Variants in PARD3 observed in about 807,000 individuals in gnomAD.
PARD3 encodes par-3 family cell polarity regulator.
PARD3 carries 75 observed loss-of-function variants against 155.4 expected under a neutral mutation model. That is an observed-to-expected ratio of 0.48 (90% CI 0.40 to 0.58). The LOEUF is 0.58. PARD3 is among the 20% of genes least tolerant of loss of function. PARD3 has a pLI of 0.00. For synonymous variants in PARD3, 576 were observed against 610.5 expected (o/e 0.94, Z 0.83); for missense variants, 1,642 against 1,721.7 (o/e 0.95, Z 0.82).
chr10:34,339,168 T>C (rs759952945), intron 16 of PARD3, among the ~76,000 whole-genome samples: 5 of 152,222 alleles, frequency 3.3e-5, no homozygotes, highest in African/African-American at 4.8e-5. Flanking sequence ...ATATTGTCAG[T>C]GGATCTCTTC....
At chr10:34,510,898 T>C (rs574612875) in intron 3 of PARD3, among the ~76,000 whole-genome samples, 19 of 152,346 alleles carry the variant, frequency 1.2e-4, no homozygotes, top group Non-Finnish European at 2.5e-4. Flanking sequence ...ATAACCTTAT[T>C]GCATCTAAAT....
intron 9 of PARD3, among the ~76,000 whole-genome samples, chr10:34,381,027 A>G (rs1841769372): frequency 6.6e-6 from 1 of 152,196 alleles, no homozygotes; most frequent in East Asian, 1.9e-4. Context: ...TGTGTTTGCA[A>G]CGAGGCAAGC....
In PARD3 at chr10:34,534,682, C is replaced by T. The variant is rs113001329; in HGVS notation, c.223-17523G>A. On this transcript the variant is annotated intron_variant, in intron 2 of 24. Coordinates refer to ENST00000374788, the MANE Select transcript of PARD3 (RefSeq NM_001184785.2). Reference sequence around the variant, plus strand: ...TCCAGCGGCTGCAGAACAGTAGGGACGGTGGTTGATGTTGTTGTTGCTATC... The same window carrying T: ...TCCAGCGGCTGCAGAACAGTAGGGATGGTGGTTGATGTTGTTGTTGCTATC... 2.5e-3 allele frequency among the ~76,000 whole-genome samples: 374 copies of T among 152,120 alleles called. 3 individuals are homozygous for T. Among genetic ancestry groups the T allele is most frequent in the African/African-American group, 8.1e-3 (336 of 41,510 alleles).
At chr10:34,560,801 T>C (rs1357720695) in intron 2 of PARD3, among the ~76,000 whole-genome samples, 1 of 152,226 alleles carries the variant, frequency 6.6e-6, no homozygotes, top group Non-Finnish European at 1.5e-5. Context: ...AAATAAATTA[T>C]GATCACGTTT....
chr10:34,186,535 C>T (rs1950503935), intron 22 of PARD3, among the ~76,000 whole-genome samples: 1 of 152,162 alleles, frequency 6.6e-6, no homozygotes, highest in Admixed American at 6.5e-5. Flanking sequence ...AAGTCATCAC[C>T]AGGACCACAA....
intron 2 of PARD3, among the ~76,000 whole-genome samples, chr10:34,605,067 T>A (rs1050885137): frequency 1.3e-5 from 2 of 152,016 alleles, no homozygotes; most frequent in African/African-American, 4.8e-5. Context: ...TGTTTCCTGC[T>A]CTAATTATTA....
At chr10:34,399,764 C>T (rs1269491556) in intron 6 of PARD3, among the ~76,000 whole-genome samples, 1 of 152,154 alleles carries the variant, frequency 6.6e-6, no homozygotes, top group African/African-American at 2.4e-5. Context: ...TTTAGACTTA[C>T]ACTGAAACTC....
rs1219048286 is a variant in PARD3, at chr10:34,360,076, A to C, written c.1891T>G (p.Ser631Ala). 6.2e-7 allele frequency: 1 copy of C among 1,613,176 alleles called. No individual in the cohort carries two copies. The highest frequency in any genetic ancestry group is 1.3e-5 in the African/African-American group (1 of 74,918). Residue 631 changes from serine (S) to alanine (A), a missense_variant, in exon 13 of 25, where the codon TCT becomes GCT. By Grantham distance (99) the Ser-to-Ala change is moderately conservative. Transcript: ENST00000374788. ...VKSIINGGAA[S>A]KDGRLRVNDQ... ...ATGATAAAGTTGACACTCACTTTAG[A>C]TGCTGCTCCTCCATTAATAATGGAC...
intron 7 of PARD3, among the ~76,000 whole-genome samples, chr10:34,391,341 G>T (rs1213997361): frequency 6.6e-6 from 1 of 152,188 alleles, no homozygotes; most frequent in African/African-American, 2.4e-5. Flanking sequence ...AGAATTCTAT[G>T]CACTACTGCA....
chr10:34,323,804 C>G (rs1462440448), intron 19 of PARD3, among the ~76,000 whole-genome samples: 1 of 152,202 alleles, frequency 6.6e-6, no homozygotes, highest in Non-Finnish European at 1.5e-5. Context: ...CAATGAGGGT[C>G]ACACCCTCAA....
Position 34,377,989 on chromosome 10 carries a change from T to C in PARD3, c.1517A>G (p.Lys506Arg). 1 of 1,585,242 alleles carries C rather than the reference T, an allele frequency of 6.3e-7. No individual in the cohort carries two copies. Among genetic ancestry groups the C allele is most frequent in the South Asian group, 1.2e-5 (1 of 86,328 alleles). The part of the protein sequence containing the change: ...RGAAIQDGRL[K>R]AGDRLIEVNG... Reference sequence around the variant, plus strand: ...TACCTCTATAAGTCTGTCTCCTGCCTTAAGTCGGCCATCCTGAATGGCCGC... The same window carrying C: ...TACCTCTATAAGTCTGTCTCCTGCCCTAAGTCGGCCATCCTGAATGGCCGC... The change falls in exon 10 of 25, where the codon AAG becomes AGG. Residue 506 changes from lysine to arginine, a missense_variant. Coordinates refer to ENST00000374788, the MANE Select transcript of PARD3 (RefSeq NM_001184785.2).
At chr10:34,414,216 C>T (rs1295100739) in intron 5 of PARD3, among the ~76,000 whole-genome samples, 2 of 149,892 alleles carry the variant, frequency 1.3e-5, no homozygotes, top group Non-Finnish European at 3.0e-5. Context: ...GCAAGACCCT[C>T]GCTCTTAAAA....
intron 1 of PARD3, among the ~76,000 whole-genome samples, chr10:34,751,339 T>G (rs1226262892): frequency 6.6e-6 from 1 of 152,152 alleles, no homozygotes; most frequent in East Asian, 1.9e-4. Flanking sequence ...GACAGAGAGG[T>G]GCAGTGGCCA....
chr10:34,221,595 T>C (rs1399685298), intron 22 of PARD3, among the ~76,000 whole-genome samples: 2 of 152,154 alleles, frequency 1.3e-5, no homozygotes, highest in Non-Finnish European at 2.9e-5. Flanking sequence ...GGCAATGGCA[T>C]TCTATAAAAC....
intron 2 of PARD3, among the ~76,000 whole-genome samples, chr10:34,673,304 T>G (rs2093641402): frequency 6.6e-6 from 1 of 152,224 alleles, no homozygotes; most frequent in African/African-American, 2.4e-5. Context: ...AGCAAAAACT[T>G]AAGGTGTTTT....
chr10:34,316,981 C>T, intron 20 of PARD3, 126 bp downstream of exon 20: 2 of 764,396 alleles, frequency 2.6e-6, no homozygotes, highest in Non-Finnish European at 3.9e-6. Flanking sequence ...GCATTCCTCC[C>T]AGTTCAGCCT....
rs556639054 is a variant in PARD3, at chr10:34,713,038, G to A, written c.121-16619C>T. 3.4e-3 allele frequency among the ~76,000 whole-genome samples: 511 copies of A among 151,876 alleles called. 1 individual carries two copies. Among genetic ancestry groups the A allele is most frequent in the Non-Finnish European group, 4.8e-3 (329 of 67,946 alleles). On this transcript the variant is annotated intron_variant, in intron 1 of 24. Transcript: ENST00000374788. Reference sequence around the variant, plus strand: ...AGCCTGGCCAACATGGTGAAACCCCGTCTCTACTAAAATACAAAAATAAAT... The same window carrying A: ...AGCCTGGCCAACATGGTGAAACCCCATCTCTACTAAAATACAAAAATAAAT...
At chr10:34,612,425 G>C (rs996283786) in intron 2 of PARD3, among the ~76,000 whole-genome samples, 46 of 152,040 alleles carry the variant, frequency 3.0e-4, no homozygotes, top group African/African-American at 1.0e-3. Context: ...ACAACGGAAG[G>C]TTAAAAAACA....
chr10:34,785,198 A>G (rs1411340344), intron 1 of PARD3, among the ~76,000 whole-genome samples: 2 of 152,258 alleles, frequency 1.3e-5, no homozygotes, highest in Non-Finnish European at 2.9e-5. Context: ...GCTATCTGAG[A>G]TGTTATACTT....
Sources: allele counts gnomAD v4.1 joint callset (sites outside exome capture counted in the v4.1 genomes callset), GRCh38; gene constraint gnomAD v4.1.1; transcripts MANE v1.5; gene names NCBI Gene and HGNC (gene_info 2026-07-23, HGNC 2026-07-21).